RIIAD1: variants seen among roughly 807,000 people sequenced by gnomAD.
RIIAD1 encodes the protein regulatory subunit of type II PKA R-subunit domain containing 1, also known as RIIa domain-containing protein 1.
RIIAD1 carries 15 observed loss-of-function variants against 13.3 expected under a neutral mutation model. The ratio of observed to expected loss-of-function variants is 1.13; its 90% CI spans 0.76 to 1.74. The LOEUF (loss-of-function observed/expected upper bound fraction) is 1.74. RIIAD1 is among the 40% of genes most tolerant of loss of function. RIIAD1 has a pLI of 0.00. For missense variants in RIIAD1, 121 were observed against 112.2 expected, an observed-to-expected ratio of 1.08 and a Z score of -0.35; for synonymous variants, 50 against 43.3, an observed-to-expected ratio of 1.16 and a Z score of -0.61.
intron 4 of RIIAD1, chr1:151,715,475 T>A (rs898881235): frequency 3.7e-5 from 21 of 561,808 alleles, no homozygotes; most frequent in Non-Finnish European, 6.4e-5. Flanking sequence ...CTGACCCCCA[T>A]CCCAATATTA....
intron 4 of RIIAD1, among the ~76,000 whole-genome samples, chr1:151,715,175 C>T (rs953646484): frequency 1.3e-5 from 2 of 152,116 alleles, no homozygotes; most frequent in Non-Finnish European, 2.9e-5. Context: ...AGTGCCTCTT[C>T]CCTGTGCCAG....
intron 3 of RIIAD1, 52 bp from the exon 4 acceptor site, chr1:151,728,714 A>G: frequency 2.7e-6 from 3 of 1,110,276 alleles, no homozygotes; most frequent in Non-Finnish European, 4.0e-6. Context: ...TCCATGGGTA[A>G]ATCTTTTCCC....
intron 3 of RIIAD1, 69 bp from the exon 4 acceptor site, chr1:151,728,697 G>C (rs1431933708): frequency 2.1e-6 from 2 of 931,778 alleles, no homozygotes; most frequent in East Asian, 2.6e-5. Context: ...GGAGTAAGCT[G>C]TCTCCTTCCA....
intron 2 of RIIAD1, among the ~76,000 whole-genome samples, chr1:151,726,641 A>T (rs1444069909): frequency 1.3e-5 from 2 of 152,178 alleles, no homozygotes; most frequent in South Asian, 2.1e-4. Flanking sequence ...GTTTCTTTGG[A>T]TGTAAAATGG....
At chr1:151,713,711 A>C (rs1673217260) in intron 3 of RIIAD1, 1 of 153,948 alleles carries the variant, frequency 6.5e-6, no homozygotes, top group Non-Finnish European at 1.4e-5. Context: ...CATGGCCCTT[A>C]ACTCTGGCTG....
At chr1:151,727,649 A>G (rs1339376120) in intron 3 of RIIAD1, 28 bp downstream of exon 3, 1 of 1,500,776 alleles carries the variant, frequency 6.7e-7, no homozygotes, top group East Asian at 2.5e-5. Context: ...GGTTTTGGGT[A>G]TCTGACAAAG....
chr1:151,714,330 A>G (rs755994160), intron 3 of RIIAD1: 30 of 605,776 alleles, frequency 5.0e-5, no homozygotes, highest in Non-Finnish European at 8.8e-5. Context: ...GTGTTGCCCC[A>G]TGGGCAGCTT....
At chr1:151,713,843 G>A (rs1673232345) in intron 3 of RIIAD1, among the ~76,000 whole-genome samples, 1 of 152,218 alleles carries the variant, frequency 6.6e-6, no homozygotes, top group Non-Finnish European at 1.5e-5. Flanking sequence ...TGAGGCCATG[G>A]AAGGGCTTGG....
Position 151,727,467 on chromosome 1 carries a change from G to T in RIIAD1, c.162-108G>T, listed in dbSNP as rs568627930. On this transcript the variant is annotated intron_variant, in intron 2 of 4. Transcript: ENST00000479191. Reference sequence around the variant, plus strand: ...AGTCTGCGGATTTATTGACTCCCAAGATGGTTGTGTCTCAGGTTCATCTGT... The same window carrying T: ...AGTCTGCGGATTTATTGACTCCCAATATGGTTGTGTCTCAGGTTCATCTGT... 7.9e-6 allele frequency: 6 copies of T among 756,538 alleles called. No individual in the cohort carries two copies. In the African/African-American group the frequency reaches 8.7e-5, roughly 11 times the overall value. The allele number at this position is 756,538 out of a possible 1,614,324, so 46.9% of individuals were successfully genotyped here. A position where few individuals can be genotyped will look rare whatever the true frequency, so the allele number is the denominator to read the frequency against.
upstream of RIIAD1, among the ~76,000 whole-genome samples, chr1:151,720,235 G>T (rs182235886): frequency 6.6e-6 from 1 of 152,022 alleles, no homozygotes; most frequent in Non-Finnish European, 1.5e-5. Context: ...TGACTGTACT[G>T]GCTGGCACAG....
intron 4 of RIIAD1, chr1:151,715,500 G>C (rs1673400264): frequency 2.8e-6 from 2 of 711,980 alleles, no homozygotes; most frequent in Non-Finnish European, 4.3e-6. Context: ...AGGCTGCTCA[G>C]ATTCTCAGTC....
intron 3 of RIIAD1, chr1:151,728,495 T>TGGGGGGG (rs1647230855): frequency 1.1e-4 from 1 of 9,176 alleles, no homozygotes; most frequent in African/African-American, 1.2e-3. Flanking sequence ...GGGTGGGGGG[T>TGGGGGGG]GGGGGGTGGG....
chr1:151,714,834 C>A (rs1342235456), intron 4 of RIIAD1, among the ~76,000 whole-genome samples: 1 of 152,044 alleles, frequency 6.6e-6, no homozygotes, highest in Non-Finnish European at 1.5e-5. Flanking sequence ...GGTAGACTCT[C>A]TGCCCCAGAA....
intron 3 of RIIAD1, 191 bp from the exon 4 acceptor site, chr1:151,728,575 A>C (rs930743302): frequency 8.8e-6 from 5 of 564,986 alleles, no homozygotes; most frequent in African/African-American, 5.7e-5. Context: ...GAGCTGGCAG[A>C]ATCAGAACTG....
chr1:151,716,614 G>T, upstream of RIIAD1: 1 of 348,504 alleles, frequency 2.9e-6, no homozygotes, highest in Admixed American at 3.9e-5. Flanking sequence ...TCTGATGGCG[G>T]CAGGGCTCCA....
upstream of RIIAD1, chr1:151,721,458 G>T: frequency 1.2e-6 from 1 of 858,532 alleles, no homozygotes; most frequent in Admixed American, 4.2e-5. Flanking sequence ...TCGCTGAAGG[G>T]GCCGGGCTTG....
intron 3 of RIIAD1, among the ~76,000 whole-genome samples, chr1:151,728,157 C>G (rs1417959646): frequency 6.6e-6 from 1 of 152,188 alleles, no homozygotes; most frequent in Non-Finnish European, 1.5e-5. Context: ...CATCCCAGAC[C>G]TCAAACCATT....
chr1:151,712,515 A>G (rs1673111015), intron 2 of RIIAD1, among the ~76,000 whole-genome samples: 1 of 152,122 alleles, frequency 6.6e-6, no homozygotes, highest in Admixed American at 6.5e-5. Flanking sequence ...CATGTCCCCC[A>G]AGTGGGATTT....
upstream of RIIAD1, among the ~76,000 whole-genome samples, chr1:151,717,419 C>T (rs1673563410): frequency 6.6e-6 from 1 of 152,258 alleles, no homozygotes; most frequent in Non-Finnish European, 1.5e-5. Context: ...CGATAGCTTT[C>T]TGGCATTTGC....
Sources: allele counts gnomAD v4.1 joint callset (sites outside exome capture counted in the v4.1 genomes callset), GRCh38; gene constraint gnomAD v4.1.1; transcripts MANE v1.5; gene names NCBI Gene and HGNC (gene_info 2026-07-23, HGNC 2026-07-21).